The following PREX1 variants were observed in gnomAD, a reference collection of about 807,000 sequenced individuals.
PREX1 encodes the protein phosphatidylinositol 3,4,5-trisphosphate-dependent Rac exchanger 1 protein.
A neutral mutation model predicts 198.3 loss-of-function variants in PREX1; 41 were observed. The ratio of observed to expected loss-of-function variants is 0.21; its 90% CI spans 0.16 to 0.27. The LOEUF is 0.27. Among genes scored for constraint, PREX1 ranks in the 10% least tolerant of loss-of-function variants. The pLI is 1.00. For synonymous variants in PREX1, 843 were observed against 887.2 expected, an observed-to-expected ratio of 0.95 and a Z score of 0.89; for missense variants, 1,620 against 2,200.7, an observed-to-expected ratio of 0.74 and a Z score of 5.28.
chr20:48,877,821 G>A, the PREX1 span, among the ~76,000 whole-genome samples: 4 of 152,118 alleles, frequency 2.6e-5, no homozygotes. Flanking sequence ...AAAAGCCCAA[G>A]TTCTGAGCCA....
intron 7 of PREX1, among the ~76,000 whole-genome samples, chr20:48,698,767 C>T (rs533722612): frequency 4.9e-4 from 75 of 152,252 alleles, no homozygotes; most frequent in African/African-American, 1.5e-3. Context: ...TGTACCTGTG[C>T]GACCACACCA....
the PREX1 span, among the ~76,000 whole-genome samples, chr20:48,857,759 T>C: frequency 6.6e-6 from 1 of 151,992 alleles, no homozygotes; most frequent in African/African-American, 2.4e-5. Flanking sequence ...GGTGACAGAG[T>C]AAGACCCTGT....
intron 15 of PREX1, among the ~76,000 whole-genome samples, chr20:48,665,555 G>A (rs549941472): frequency 3.9e-5 from 6 of 152,208 alleles, no homozygotes; most frequent in Non-Finnish European, 7.3e-5. Flanking sequence ...TACTTGCCAT[G>A]TAACCTTGAG....
chr20:48,879,798 G>A, the PREX1 span, among the ~76,000 whole-genome samples: 5 of 152,282 alleles, frequency 3.3e-5, no homozygotes, highest in Admixed American at 2.6e-4. Flanking sequence ...TGGGCACCAG[G>A]CCAAGTCCTA....
chr20:48,796,931 T>C (rs992841501), intron 1 of PREX1, among the ~76,000 whole-genome samples: 4 of 151,718 alleles, frequency 2.6e-5, no homozygotes, highest in Non-Finnish European at 2.9e-5. Context: ...ATCAGAACAG[T>C]GGTTACTTTT....
rs1159236125 is a variant in PREX1, at chr20:48,655,343, A to C, written c.2156T>G (p.Leu719Arg). The change falls in exon 19 of 40, where the codon CTG becomes CGG. Residue 719 changes from leucine (L) to arginine (R), a missense_variant. Physicochemically the swap from Leu to Arg is moderately radical, Grantham distance 102. This residue lies in a region of PREX1 where 514 missense variants were observed against 611.6 expected (regional missense o/e 0.84). Transcript: ENST00000371941. The stretch of plus-strand genomic sequence containing the variant: ...GGCAGCTCCACGAATCTGGAAGCAC[A>C]GTGTGTCCGGCTGGTCGGGGATTTT... Reference protein sequence around the residue: ...IIKIPDQPDTLCFQIRGAAPP... With the variant: ...IIKIPDQPDTRCFQIRGAAPP... 3 of 1,598,980 alleles carry C rather than the reference A, an allele frequency of 1.9e-6. No individual in the cohort carries two copies. Among genetic ancestry groups the C allele is most frequent in the Non-Finnish European group, 2.6e-6 (3 of 1,171,176 alleles).
rs557050086 is a variant in PREX1, at chr20:48,754,424, G to A, written c.220-6544C>T. Among the ~76,000 whole-genome samples, 566 of 152,270 alleles carry A rather than the reference G, an allele frequency of 3.7e-3. 2 individuals carry two copies. The highest frequency in any genetic ancestry group is 5.4e-3 in the Admixed American group (82 of 15,296). The stretch of plus-strand genomic sequence containing the variant: ...TGAACCGCATCAGCCTTTAAAACAG[G>A]TAGCAGCTGCCCTTAGGGGTGCCCC... On this transcript the variant is annotated intron_variant, in intron 1 of 39. Coordinates refer to ENST00000371941, the MANE Select transcript of PREX1 (RefSeq NM_020820.4).
the PREX1 span, among the ~76,000 whole-genome samples, chr20:48,849,050 T>C: frequency 1.3e-5 from 2 of 151,576 alleles, no homozygotes; most frequent in African/African-American, 4.9e-5. Flanking sequence ...ATATATTGAC[T>C]GTGCCACTGC....
intron 35 of PREX1, 76 bp from the exon 36 acceptor site, chr20:48,630,870 C>G (rs2089308935): frequency 8.8e-7 from 1 of 1,135,766 alleles, no homozygotes; most frequent in Admixed American, 1.7e-5. Context: ...GTCTCAACTC[C>G]TGCAGCCACC....
chr20:48,762,230 C>T (rs2090183832), intron 1 of PREX1, among the ~76,000 whole-genome samples: 1 of 152,232 alleles, frequency 6.6e-6, no homozygotes, highest in Non-Finnish European at 1.5e-5. Context: ...CCATTCACAA[C>T]CCAGCTTCTC....
intron 1 of PREX1, among the ~76,000 whole-genome samples, chr20:48,753,823 C>A (rs1383961826): frequency 6.6e-6 from 1 of 152,188 alleles, no homozygotes; most frequent in Non-Finnish European, 1.5e-5. Flanking sequence ...CACAGGCCAC[C>A]CCTGGACCCA....
At chr20:48,818,010 G>A (rs377436556) in intron 1 of PREX1, among the ~76,000 whole-genome samples, 99 of 152,212 alleles carry the variant, frequency 6.5e-4, no homozygotes, top group African/African-American at 2.1e-3. Flanking sequence ...GGTGAGGTGG[G>A]GATGTGCGGT....
intron 9 of PREX1, among the ~76,000 whole-genome samples, chr20:48,689,074 C>G (rs1049813520): frequency 6.6e-6 from 1 of 152,204 alleles, no homozygotes; most frequent in African/African-American, 2.4e-5. Flanking sequence ...GGGGTCATGC[C>G]TTCAACCCAG....
At chr20:48,656,272 CA>C (rs1198178518) in intron 18 of PREX1, among the ~76,000 whole-genome samples, 4 of 152,194 alleles carry the variant, frequency 2.6e-5, no homozygotes, top group Non-Finnish European at 5.9e-5. Context: ...CTGCTCCTCC[CA>C]CCCCTGCTCT....
At chr20:48,843,260 G>A in the PREX1 span, among the ~76,000 whole-genome samples, 11 of 152,220 alleles carry the variant, frequency 7.2e-5, no homozygotes, top group African/African-American at 2.7e-4. Flanking sequence ...GGCATGGCTG[G>A]ATCCAGGTGC....
chr20:48,827,667 A>T lies in PREX1; in HGVS notation c.194T>A (p.Val65Glu). Residue 65 changes from valine (V) to glutamate (E), a missense_variant, in exon 1 of 40, where the codon GTG (valine) becomes GAG (glutamate). Val to Glu is a moderately radical substitution (Grantham distance 121). Around this residue, in one of 7 missense-constraint regions of PREX1, gnomAD observed 96 missense variants for 98.7 expected, o/e 0.97. Transcript: ENST00000371941. This position sits in a 1 kb window ranked among gnomAD's most constrained non-coding sequence, Gnocchi z 4.1. ...NEILGTERDY[V>E]GTLRFLQSAF... ...CGACTGCAAGAAGCGCAAGGTGCCC[A>T]CGTAGTCCCTCTCGGTGCCCAAGAT... 1 of 1,355,632 alleles carries T rather than the reference A, an allele frequency of 7.4e-7. No homozygotes were observed. The allele number at this position is 1,355,632 out of a possible 1,614,324, so 84.0% of individuals were successfully genotyped here.
At chr20:48,769,116 C>T (rs1239683899) in intron 1 of PREX1, among the ~76,000 whole-genome samples, 1 of 152,204 alleles carries the variant, frequency 6.6e-6, no homozygotes, top group Non-Finnish European at 1.5e-5. Context: ...ACTGTGCATC[C>T]ACGAAGCCCT....
At chr20:48,884,762 A>G in the PREX1 span, among the ~76,000 whole-genome samples, 1 of 152,258 alleles carries the variant, frequency 6.6e-6, no homozygotes, top group African/African-American at 2.4e-5. Flanking sequence ...TGCAAATCAT[A>G]TGTGATAAAG....
At chr20:48,862,147 T>A in the PREX1 span, among the ~76,000 whole-genome samples, 1 of 151,912 alleles carries the variant, frequency 6.6e-6, no homozygotes, top group Non-Finnish European at 1.5e-5. Context: ...GAGGCGAGGT[T>A]CCAGTGAGCC....
Sources: allele counts gnomAD v4.1 joint callset (sites outside exome capture counted in the v4.1 genomes callset), GRCh38; gene constraint gnomAD v4.1.1; regional missense constraint gnomAD v4.1.1; non-coding constraint Gnocchi (gnomAD v3.1); transcripts MANE v1.5; gene names NCBI Gene and HGNC (gene_info 2026-07-23, HGNC 2026-07-21).